The following CACNA1I variants were observed in gnomAD, a reference collection of about 807,000 sequenced individuals.
CACNA1I encodes the protein voltage-dependent T-type calcium channel subunit alpha-1I.
In CACNA1I, 74 loss-of-function variants were observed where a neutral mutation model predicts 201.6. The ratio of observed to expected loss-of-function variants is 0.37; its 90% CI spans 0.30 to 0.45. The LOEUF (loss-of-function observed/expected upper bound fraction) is 0.45. CACNA1I is among the 20% of genes least tolerant of loss of function. The pLI is 1.00. For synonymous variants in CACNA1I, 1,431 were observed against 1,345.2 expected, an observed-to-expected ratio of 1.06 and a Z score of -1.40; for missense variants, 2,346 against 3,138.1, an observed-to-expected ratio of 0.75 and a Z score of 6.03.
chr22:39,598,948 T>TTG (rs1361063232), intron 2 of CACNA1I, among the ~76,000 whole-genome samples: 3 of 127,446 alleles, frequency 2.4e-5, no homozygotes, highest in South Asian at 3.0e-4. Flanking sequence ...TGGGTTTTTT[T>TTG]TTTTTTTTTT....
intron 17 of CACNA1I, 143 bp from the exon 18 acceptor site, chr22:39,662,633 G>A: frequency 1.4e-6 from 1 of 714,870 alleles, no homozygotes; most frequent in Non-Finnish European, 2.4e-6. Context: ...CGGCTCCTGG[G>A]AGAGAAGCCC....
chr22:39,685,866 G>C lies in CACNA1I; in HGVS notation c.6133G>C (p.Ala2045Pro). Residue 2045 changes from alanine to proline, a missense_variant, in exon 37 of 37, where the codon GCC (alanine) becomes CCC (proline). Coordinates refer to ENST00000402142, the MANE Select transcript of CACNA1I (RefSeq NM_021096.4). The surrounding 1 kb of genome is among the most constrained non-coding windows in gnomAD (Gnocchi z 5.0). ...GACCCTGAGCGACAGCCCCCGGCGT[G>C]CCCTGGGGCCGCCCGCGCCTGCTCC... is the stretch of plus-strand genomic sequence containing the variant. ...SLTLSDSPRR[A>P]LGPPAPAPGP... is the part of the protein sequence containing the mutation. 9 of 1,467,748 alleles carry C rather than the reference G, an allele frequency of 6.1e-6. No individual in the cohort carries two copies. The highest frequency in any genetic ancestry group is 7.2e-6 in the Non-Finnish European group (8 of 1,118,174). 90.9% of individuals were successfully genotyped at this position (1,467,748 alleles called of 1,614,324 possible).
chr22:39,578,474 C>T (rs964713339), intron 1 of CACNA1I, among the ~76,000 whole-genome samples: 3 of 152,086 alleles, frequency 2.0e-5, no homozygotes, highest in Admixed American at 2.0e-4. Flanking sequence ...TGGGACCTTG[C>T]CCCACGTGAC....
chr22:39,608,671 TA>T (rs762238457), intron 3 of CACNA1I, among the ~76,000 whole-genome samples: 781 of 121,628 alleles, frequency 6.4e-3, no homozygotes, highest in Middle Eastern at 0.016. Flanking sequence ...AAACCACAGC[TA>T]AAAAAAAAAA....
intron 10 of CACNA1I, among the ~76,000 whole-genome samples, chr22:39,651,345 A>T (rs964105645): frequency 3.3e-5 from 5 of 152,184 alleles, no homozygotes; most frequent in Admixed American, 2.0e-4. Context: ...TTAGCTCACC[A>T]AGCACAGGCT....
chr22:39,655,929 G>A (rs780018448), intron 10 of CACNA1I, among the ~76,000 whole-genome samples: 51 of 152,172 alleles, frequency 3.4e-4, no homozygotes, highest in Non-Finnish European at 6.0e-4. Context: ...TGCGTGGCGC[G>A]CGCGGCTGGA....
intron 1 of CACNA1I, among the ~76,000 whole-genome samples, chr22:39,595,885 G>A (rs1231887348): frequency 6.6e-6 from 1 of 151,826 alleles, no homozygotes; most frequent in Middle Eastern, 3.4e-3. Context: ...ATGTAGATTA[G>A]AGCAGTGGCA....
Position 39,663,762 on chromosome 22 carries a change from A to G in CACNA1I, c.3518A>G (p.Asp1173Gly), listed in dbSNP as rs756199077. The change falls in exon 19 of 37, where the codon GAC (aspartate) becomes GGC (glycine). Residue 1173 changes from aspartate to glycine, a missense_variant. By Grantham distance (94) the Asp-to-Gly change is moderately conservative (BLOSUM62 -1). Transcript: ENST00000402142. ...ACCATTATTGCCCACAAACTCTTCG[A>G]CTACGTCGTCCTGGCCTTCATCTTT... is the stretch of plus-strand genomic sequence containing the variant. ...CQTIIAHKLF[D>G]YVVLAFIFLN... 2 of 1,608,516 alleles carry G rather than the reference A, an allele frequency of 1.2e-6. No homozygotes were observed. The highest frequency in any genetic ancestry group is 3.3e-5 in the Admixed American group (2 of 59,850).
At chr22:39,653,957 A>G (rs1274811626) in intron 10 of CACNA1I, among the ~76,000 whole-genome samples, 1 of 152,180 alleles carries the variant, frequency 6.6e-6, no homozygotes, top group African/African-American at 2.4e-5. Flanking sequence ...CCCCCTGGGT[A>G]GCCCAGGCTG....
intron 1 of CACNA1I, among the ~76,000 whole-genome samples, chr22:39,586,824 C>T (rs1932759012): frequency 6.6e-6 from 1 of 152,190 alleles, no homozygotes; most frequent in African/African-American, 2.4e-5. Context: ...CCTCTCAGTT[C>T]AATGGCTGCT....
At chr22:39,602,553 G>GAT (rs58503031) in intron 3 of CACNA1I, among the ~76,000 whole-genome samples, 90 of 152,118 alleles carry the variant, frequency 5.9e-4, no homozygotes, top group Non-Finnish European at 1.0e-3. Context: ...TCTTTAAGTA[G>GAT]TTTTTTTTTA....
intron 1 of CACNA1I, among the ~76,000 whole-genome samples, chr22:39,587,945 T>C (rs1472070067): frequency 6.6e-6 from 1 of 151,676 alleles, no homozygotes; most frequent in Non-Finnish European, 1.5e-5. Flanking sequence ...CTGGATAATT[T>C]TTCTATTTTT....
intron 1 of CACNA1I, 127 bp downstream of exon 1, chr22:39,571,115 C>A: frequency 1.2e-6 from 1 of 803,616 alleles, no homozygotes; most frequent in East Asian, 2.5e-5. Flanking sequence ...GCCACTGGGC[C>A]TTGGTGGTGG....
At chr22:39,622,091 TCTCCCATGTGCCCCACCTG>T (rs746162300) in intron 4 of CACNA1I, among the ~76,000 whole-genome samples, 190 of 152,240 alleles carry the variant, frequency 1.2e-3, no homozygotes, top group Non-Finnish European at 2.2e-3. Flanking sequence ...TGTGTGATTT[TCTCCCATGTGCCCCACCTG>T]ACTTTACTGG....
At chr22:39,664,029 C>A (rs1935105663) in intron 19 of CACNA1I, 62 bp from the exon 20 acceptor site, 2 of 1,559,656 alleles carry the variant, frequency 1.3e-6, no homozygotes, top group Non-Finnish European at 8.8e-7. Context: ...AAAGCAGCGG[C>A]TGGCCAGTGG....
rs772738929 is a variant in CACNA1I at position 39,659,874 on chromosome 22, G to A, written c.2604+22G>A. The A allele has an allele frequency of 1.2e-6, 2 of 1,613,510 alleles. No individual in the cohort carries two copies. The highest frequency in any genetic ancestry group is 3.3e-5 in the Admixed American group (2 of 59,998). ...GGAGGTGACTGTGGTCTTGGCAGAG[G>A]AAGCACCCCCACAGGGTCTGCGAAA... On this transcript the variant is annotated intron_variant, in intron 14 of 36. Transcript: ENST00000402142. This position sits in a 1 kb window ranked among gnomAD's most constrained non-coding sequence, Gnocchi z 4.3.
Position 39,639,571 on chromosome 22 carries a change from C to T in CACNA1I, c.741-1296C>T, listed in dbSNP as rs551209918. Among the ~76,000 whole-genome samples, 4 of 152,144 alleles carry T rather than the reference C, an allele frequency of 2.6e-5. No homozygotes were observed. In the East Asian group the frequency reaches 5.8e-4, roughly 22 times the overall value. On this transcript the variant is annotated intron_variant, in intron 5 of 36. Coordinates refer to ENST00000402142, the MANE Select transcript of CACNA1I (RefSeq NM_021096.4). ...ATATTCAAATATTATTTTTAGTGTG[C>T]AATCAATATAACAATTAAAAATGAG...
rs766297708 is a variant in CACNA1I at position 39,665,987 on chromosome 22, A to G, written c.4085A>G (p.Asn1362Ser). ...TACCGCTGGGTCCATCACAAATACA[A>G]CTTCGACAACCTGGGCCAGGTGAGC... ...ANYRWVHHKYNFDNLGQALMS... is the reference protein window; with the variant it reads ...ANYRWVHHKYSFDNLGQALMS... Residue 1362 changes from asparagine (N) to serine (S), a missense_variant, in exon 23 of 37, where the codon AAC becomes AGC. Asn to Ser is a conservative substitution (Grantham distance 46). Around this residue, in one of 13 missense-constraint regions of CACNA1I, gnomAD observed 228 missense variants for 395.7 expected, o/e 0.58. Coordinates refer to ENST00000402142, the MANE Select transcript of CACNA1I (RefSeq NM_021096.4). This position sits in a 1 kb window ranked among gnomAD's most constrained non-coding sequence, Gnocchi z 5.5. The G allele has an allele frequency of 6.2e-7, 1 of 1,613,498 alleles. No individual in the cohort carries two copies. Among genetic ancestry groups the G allele is most frequent in the Admixed American group, 1.7e-5 (1 of 59,996 alleles).
In CACNA1I at chr22:39,686,528, G is replaced by T; in HGVS notation, c.*123G>T. 1 of 732,694 alleles carries T rather than the reference G, an allele frequency of 1.4e-6. No individual in the cohort carries two copies. Among genetic ancestry groups the T allele is most frequent in the Non-Finnish European group, 1.8e-6 (1 of 546,258 alleles). The allele number at this position is 732,694 out of a possible 1,614,324, so 45.4% of individuals were successfully genotyped here. ...ATCGCGCAGGGCCCGCAGGGCACAG[G>T]CGCCCGACAGCCGGGCTGAGCGGAG... On this transcript the variant is annotated 3_prime_UTR_variant, in exon 37 of 37. Coordinates refer to ENST00000402142, the MANE Select transcript of CACNA1I (RefSeq NM_021096.4).
Sources: allele counts gnomAD v4.1 joint callset (sites outside exome capture counted in the v4.1 genomes callset), GRCh38; gene constraint gnomAD v4.1.1; regional missense constraint gnomAD v4.1.1; non-coding constraint Gnocchi (gnomAD v3.1); transcripts MANE v1.5; gene names NCBI Gene and HGNC (gene_info 2026-07-23, HGNC 2026-07-21).